The following JPH3 variants were observed in gnomAD, a reference collection of about 807,000 sequenced individuals.
JPH3 encodes junctophilin 3, also known as junctophilin-3.
A neutral mutation model predicts 59.6 loss-of-function variants in JPH3; 11 were observed. The observed-to-expected ratio is 0.18, with a 90% CI of 0.12 to 0.31. The LOEUF is 0.31. JPH3 is among the 10% of genes least tolerant of loss of function. JPH3 has a pLI of 1.00. For synonymous variants in JPH3, 673 were observed against 483.6 expected, an observed-to-expected ratio of 1.39 and a Z score of -5.14; for missense variants, 1,202 against 1,105.7, an observed-to-expected ratio of 1.09 and a Z score of -1.24.
At chr16:87,652,913 C>T (rs572275062) in intron 2 of JPH3, among the ~76,000 whole-genome samples, 1 of 152,350 alleles carries the variant, frequency 6.6e-6, no homozygotes, top group East Asian at 1.9e-4. Flanking sequence ...ACAGACACAG[C>T]TAATTGGTGG....
chr16:87,659,374 CAAA>C (rs1354448370), intron 2 of JPH3, among the ~76,000 whole-genome samples: 1 of 74,554 alleles, frequency 1.3e-5, no homozygotes, highest in Non-Finnish European at 2.5e-5. Context: ...AAGACTGTCT[CAAA>C]AAAAAAAAAG....
rs180779571 is a variant in JPH3 at position 87,677,075 on chromosome 16, C to T, written c.1161-7067C>T. Among the ~76,000 whole-genome samples, 335 of 151,432 alleles carry T rather than the reference C, an allele frequency of 2.2e-3. 7 individuals are homozygous for T. The highest frequency in any genetic ancestry group is 7.3e-3 in the African/African-American group (300 of 40,934). ...TCGGGAGGCTGAGGCAGGAGAATGG[C>T]GTGAACCCGGGAGGTGGAGCTTACA... is the stretch of plus-strand genomic sequence containing the variant. On this transcript the variant is annotated intron_variant, in intron 2 of 4. Transcript: ENST00000284262.
In JPH3 at chr16:87,644,617, G is replaced by T; in HGVS notation, c.742G>T (p.Ala248Ser). The change falls in exon 2 of 5, where the codon GCG becomes TCG. Residue 248 changes from alanine to serine, a missense_variant. By Grantham distance (99) the Ala-to-Ser change is moderately conservative (BLOSUM62 1). Coordinates refer to ENST00000284262, the MANE Select transcript of JPH3 (RefSeq NM_020655.4). ...CAAGCAGAGCTCCTTTCGCAGCGAGGCGGGCATGAGCACCGTCAGCTCCAC... is the reference window on the plus strand; with the variant it reads ...CAAGCAGAGCTCCTTTCGCAGCGAGTCGGGCATGAGCACCGTCAGCTCCAC... Reference protein sequence around the residue: ...RSKQSSFRSEAGMSTVSSTAS... With the variant: ...RSKQSSFRSESGMSTVSSTAS... The T allele has an allele frequency of 1.2e-6, 2 of 1,612,522 alleles. No individual in the cohort carries two copies. The highest frequency in any genetic ancestry group is 8.5e-7 in the Non-Finnish European group (1 of 1,179,890).
chr16:87,685,079 C>T (rs1463405936), intron 3 of JPH3, among the ~76,000 whole-genome samples: 1 of 152,208 alleles, frequency 6.6e-6, no homozygotes, highest in Non-Finnish European at 1.5e-5. Flanking sequence ...CAGCCCTGAA[C>T]TTGCTCGCAA....
At chr16:87,667,775 G>C (rs1279042514) in intron 2 of JPH3, among the ~76,000 whole-genome samples, 2 of 152,202 alleles carry the variant, frequency 1.3e-5, no homozygotes, top group African/African-American at 2.4e-5. Context: ...TGGCCCTGTA[G>C]TCTAAGTCAC....
intron 1 of JPH3, among the ~76,000 whole-genome samples, chr16:87,625,348 G>A (rs530253022): frequency 9.9e-5 from 15 of 152,234 alleles, no homozygotes; most frequent in Non-Finnish European, 1.6e-4. Context: ...TTCCCTCCTC[G>A]GGGGTCCTGG....
At position 87,684,173 on chromosome 16, in the gene JPH3, G is replaced by A. The variant is rs755756953; in HGVS notation, c.1192G>A (p.Ala398Thr). ...CCACTCTCGGGCAAAGGCCGAGGCAGCCCTCACAGCAGCTCAGAAAGCCCA... is the reference window on the plus strand; with the variant it reads ...CCACTCTCGGGCAAAGGCCGAGGCAACCCTCACAGCAGCTCAGAAAGCCCA... Reference protein sequence around the residue: ...TSHSRAKAEAALTAAQKAQEE... With the variant: ...TSHSRAKAEATLTAAQKAQEE... The change falls in exon 3 of 5, where the codon GCC becomes ACC. Residue 398 changes from alanine to threonine, a missense_variant. Ala to Thr is a moderately conservative substitution (Grantham distance 58, BLOSUM62 0). Transcript: ENST00000284262. 2.5e-6 allele frequency: 4 copies of A among 1,613,796 alleles called. No homozygotes were observed. Among genetic ancestry groups the A allele is most frequent in the Non-Finnish European group, 3.4e-6 (4 of 1,180,004 alleles).
At chr16:87,636,244 G>A (rs577625177) in intron 1 of JPH3, among the ~76,000 whole-genome samples, 2 of 152,172 alleles carry the variant, frequency 1.3e-5, no homozygotes, top group African/African-American at 4.8e-5. Context: ...GGGGTGGGGT[G>A]GGGGCGGGGG....
intron 2 of JPH3, among the ~76,000 whole-genome samples, chr16:87,667,672 T>C (rs772501520): frequency 1.2e-4 from 19 of 152,174 alleles, no homozygotes; most frequent in Non-Finnish European, 2.1e-4. Flanking sequence ...GCCTTGAAGA[T>C]GAAGGGGTTA....
Position 87,659,506 on chromosome 16 carries a change from G to C in JPH3, c.1160+14471G>C, listed in dbSNP as rs551219337. ...GGAGGTTGAGGTGGGTGAATCACTT[G>C]AGGTCAGGAGTTCTGGACCAGTCTG... On this transcript the variant is annotated intron_variant, in intron 2 of 4. Coordinates refer to ENST00000284262, the MANE Select transcript of JPH3 (RefSeq NM_020655.4). 5.3e-5 allele frequency among the ~76,000 whole-genome samples: 8 copies of C among 152,116 alleles called. No individual in the cohort carries two copies. The South Asian group carries it at 1.5e-3, about 28-fold the overall frequency.
chr16:87,660,795 G>T (rs575022144), intron 2 of JPH3, among the ~76,000 whole-genome samples: 19 of 152,280 alleles, frequency 1.2e-4, no homozygotes, highest in African/African-American at 4.6e-4. Flanking sequence ...ATCCATATAA[G>T]GCTGGAGACA....
intron 4 of JPH3, among the ~76,000 whole-genome samples, chr16:87,691,092 C>CCG (rs1555543751): frequency 7.1e-4 from 106 of 149,848 alleles, no homozygotes; most frequent in African/African-American, 2.5e-3. Flanking sequence ...CAGCACCCCC[C>CCG]CCCCAAATTC....
At position 87,689,802 on chromosome 16, in the gene JPH3, C is replaced by T. The variant is rs1436973318; in HGVS notation, c.1442C>T (p.Pro481Leu). 1 of 1,594,168 alleles carries T rather than the reference C, an allele frequency of 6.3e-7. No homozygotes were observed. Among genetic ancestry groups the T allele is most frequent in the Admixed American group, 1.7e-5 (1 of 58,410 alleles). ...GACGACAGCCCCCTGCAGAGCTTCC[C>T]CACCAGCCCCGCGGCCACCCCGCCG... ...TPDDSPLQSF[P>L]TSPAATPPPA... Residue 481 changes from proline to leucine, a missense_variant, in exon 4 of 5, where the codon CCC becomes CTC. Pro to Leu is a moderately conservative substitution (Grantham distance 98, BLOSUM62 -3). Transcript: ENST00000284262.
intron 1 of JPH3, among the ~76,000 whole-genome samples, chr16:87,628,284 C>G (rs931405331): frequency 6.6e-5 from 10 of 152,252 alleles, no homozygotes. Flanking sequence ...CTTCCACGGC[C>G]CAGGACAAGC....
intron 4 of JPH3, among the ~76,000 whole-genome samples, chr16:87,693,365 G>A (rs1597299232): frequency 6.6e-6 from 1 of 152,184 alleles, no homozygotes; most frequent in African/African-American, 2.4e-5. Context: ...TATCTGTTGA[G>A]CAAACTTTTT....
chr16:87,631,181 C>T (rs557586533), intron 1 of JPH3, among the ~76,000 whole-genome samples: 6 of 152,142 alleles, frequency 3.9e-5, no homozygotes, highest in Admixed American at 2.6e-4. Flanking sequence ...GCCTTCTTCC[C>T]AATTCTTCCC....
intron 1 of JPH3, chr16:87,604,997 G>A (rs1358697392): frequency 8.9e-6 from 4 of 449,360 alleles, no homozygotes; most frequent in Non-Finnish European, 4.5e-6. Flanking sequence ...GTGTGTGCGC[G>A]CGCGTGCAGG....
At chr16:87,692,935 G>T (rs1567618140) in intron 4 of JPH3, among the ~76,000 whole-genome samples, 1 of 152,150 alleles carries the variant, frequency 6.6e-6, no homozygotes, top group Non-Finnish European at 1.5e-5. Flanking sequence ...ACTACAGGCT[G>T]ACTAGCATCC....
chr16:87,626,398 A>G (rs1438465846), intron 1 of JPH3, among the ~76,000 whole-genome samples: 1 of 152,210 alleles, frequency 6.6e-6, no homozygotes, highest in Non-Finnish European at 1.5e-5. Flanking sequence ...GTCCTCCAGG[A>G]GGACTGGGGC....
Sources: allele counts gnomAD v4.1 joint callset (sites outside exome capture counted in the v4.1 genomes callset), GRCh38; gene constraint gnomAD v4.1.1; transcripts MANE v1.5; gene names NCBI Gene and HGNC (gene_info 2026-07-23, HGNC 2026-07-21).